The following PHC3 variants were observed in gnomAD, a reference collection of about 807,000 sequenced individuals.
PHC3 encodes the protein polyhomeotic-like protein 3.
A neutral mutation model predicts 107.4 loss-of-function variants in PHC3; 13 were observed. The observed-to-expected ratio is 0.12, with a 90% CI of 0.08 to 0.19. The LOEUF is 0.19. Ranked by LOEUF, PHC3 falls within the 10% of genes least tolerant of loss-of-function variation. The pLI, the probability that PHC3 is intolerant of heterozygous loss-of-function variation, is 1.00. For synonymous variants in PHC3, 456 were observed against 427.4 expected (o/e 1.07, Z -0.83); for missense variants, 992 against 1,210.9 (o/e 0.82, Z 2.68).
chr3:170,158,799 C>G (rs1021960908), intron 4 of PHC3, among the ~76,000 whole-genome samples: 1 of 150,796 alleles, frequency 6.6e-6, no homozygotes, highest in South Asian at 2.1e-4. Context: ...TGGTGGCACA[C>G]GACTATAATC....
At chr3:170,129,621 G>C in intron 7 of PHC3, 69 bp from the exon 8 acceptor site, 1 of 1,378,004 alleles carries the variant, frequency 7.3e-7, no homozygotes, top group Non-Finnish European at 1.0e-6. Context: ...CACTCTAAAG[G>C]AAAAAGTGTT....
chr3:170,163,205 A>T (rs1327175037), intron 4 of PHC3, among the ~76,000 whole-genome samples: 1 of 152,174 alleles, frequency 6.6e-6, no homozygotes, highest in African/African-American at 2.4e-5. Flanking sequence ...CAAAGTCATA[A>T]AACTGGGCTT....
intron 11 of PHC3, among the ~76,000 whole-genome samples, chr3:170,110,290 C>T (rs1174681017): frequency 1.3e-5 from 2 of 152,138 alleles, no homozygotes; most frequent in African/African-American, 4.8e-5. Flanking sequence ...TTCAAACTTG[C>T]TTGTCTAATA....
chr3:170,175,240 AAC>A, intron 2 of PHC3, among the ~76,000 whole-genome samples: 1 of 152,342 alleles, frequency 6.6e-6, no homozygotes, highest in East Asian at 1.9e-4. Flanking sequence ...TCTCATAAGA[AAC>A]AGAGTCAGTG....
Position 170,096,027 on chromosome 3 carries a change from C to T in PHC3, c.*1203G>A, listed in dbSNP as rs1363921403. 3 of 152,172 alleles carry T rather than the reference C, an allele frequency of 2.0e-5. No individual in the cohort carries two copies. Among genetic ancestry groups the T allele is most frequent in the Non-Finnish European group, 4.4e-5 (3 of 68,022 alleles). The allele number at this position is 152,172 out of a possible 1,614,324, so 9.4% of individuals were successfully genotyped here. ...CCACGTATCTGCTACAAACTATTTT[C>T]TTGCCAGAAAAGGCTGTGCACTAGT... is the stretch of plus-strand genomic sequence containing the variant. On this transcript the variant is annotated 3_prime_UTR_variant, in exon 15 of 15. Coordinates refer to ENST00000495893, the MANE Select transcript of PHC3 (RefSeq NM_024947.4).
In PHC3 at chr3:170,136,678, T is replaced by C. The variant is rs1052601399; in HGVS notation, c.673-13A>G. ...TTAAATTCTGAACCTAAGAACCACA[T>C]AACAGAAAATTAGGATGAAAACAGA... On this transcript the variant is annotated splice_polypyrimidine_tract_variant and intron_variant, in intron 6 of 14. Transcript: ENST00000495893. The C allele has an allele frequency of 3.7e-6, 6 of 1,610,816 alleles. No homozygotes were observed. Among genetic ancestry groups the C allele is most frequent in the Non-Finnish European group, 5.1e-6 (6 of 1,178,394 alleles).
Position 170,095,689 on chromosome 3 carries a change from TATAAG to T in PHC3, c.*1536_*1540del, listed in dbSNP as rs1714562460. ...TACTAAAATATCTCAATTGTGGTAATATAAGAAAAGATGAAAACAAAACATTCATC... is the reference window on the plus strand; with the variant it reads ...TACTAAAATATCTCAATTGTGGTAATAAAAGATGAAAACAAAACATTCATC... On this transcript the variant is annotated 3_prime_UTR_variant, in exon 15 of 15. Coordinates refer to ENST00000495893, the MANE Select transcript of PHC3 (RefSeq NM_024947.4). The T allele has an allele frequency of 6.6e-6, 1 of 152,190 alleles. No homozygotes were observed. Among genetic ancestry groups the T allele is most frequent in the South Asian group, 2.1e-4 (1 of 4,838 alleles). 9.4% of individuals were successfully genotyped at this position (152,190 alleles called of 1,614,324 possible). A position where few individuals can be genotyped will look rare whatever the true frequency, so the allele number is the denominator to read the frequency against.
chr3:170,147,027 C>T (rs570580995), intron 5 of PHC3, among the ~76,000 whole-genome samples: 7 of 151,714 alleles, frequency 4.6e-5, no homozygotes, highest in African/African-American at 9.7e-5. Context: ...GGATTACAAG[C>T]GTGAGTAATT....
intron 7 of PHC3, among the ~76,000 whole-genome samples, chr3:170,134,909 G>A (rs902590057): frequency 9.2e-5 from 14 of 152,148 alleles, no homozygotes; most frequent in African/African-American, 3.4e-4. Flanking sequence ...AGTTCAGAGG[G>A]AGGAGAAATT....
At chr3:170,179,094 G>A (rs1258546918) in intron 1 of PHC3, among the ~76,000 whole-genome samples, 156 bp from the exon 2 acceptor site, 2 of 152,042 alleles carry the variant, frequency 1.3e-5, no homozygotes, top group East Asian at 3.9e-4. Context: ...CACTTAGAAG[G>A]GAAAAATACT....
At chr3:170,120,463 C>T (rs1720042534) in intron 9 of PHC3, among the ~76,000 whole-genome samples, 1 of 151,916 alleles carries the variant, frequency 6.6e-6, no homozygotes. Context: ...ATCCCAGCTA[C>T]TCAGGATACT....
chr3:170,180,564 GTT>G (rs199582784), intron 1 of PHC3, among the ~76,000 whole-genome samples: 62 of 138,874 alleles, frequency 4.5e-4, no homozygotes, highest in African/African-American at 1.5e-3. Flanking sequence ...TTATGCTTCT[GTT>G]TTTTTTTTTT....
chr3:170,101,674 T>A (rs1715501304), intron 14 of PHC3, among the ~76,000 whole-genome samples: 1 of 152,188 alleles, frequency 6.6e-6, no homozygotes, highest in Admixed American at 6.5e-5. Context: ...TACATATATG[T>A]ATAGTCTTAA....
At position 170,094,545 on chromosome 3, in the gene PHC3, A is replaced by C. The variant is rs964868589; in HGVS notation, c.*2685T>G. 2.6e-5 allele frequency: 4 copies of C among 152,176 alleles called. No homozygotes were observed. The highest frequency in any genetic ancestry group is 4.4e-5 in the Non-Finnish European group (3 of 68,036). 9.4% of individuals were successfully genotyped at this position (152,176 alleles called of 1,614,324 possible). A position where few individuals can be genotyped will look rare whatever the true frequency, so the allele number is the denominator to read the frequency against. ...ACAATTTACTCTCCCCACCTATATC[A>C]TACTGAAACTCTGCTTTAAAGCTCA... is the stretch of plus-strand genomic sequence containing the variant. On this transcript the variant is annotated 3_prime_UTR_variant, in exon 15 of 15. Coordinates refer to ENST00000495893, the MANE Select transcript of PHC3 (RefSeq NM_024947.4).
chr3:170,117,507 A>T lies in PHC3; in HGVS notation c.1943-31T>A, dbSNP rs202186229. On this transcript the variant is annotated intron_variant, in intron 9 of 14. Coordinates refer to ENST00000495893, the MANE Select transcript of PHC3 (RefSeq NM_024947.4). ...AAAAAAACCAAAAAGTCATTTAAAA[A>T]TTTTTTTAGCATTTTGCCCAAGCAA... The T allele has an allele frequency of 1.9e-3, 3,024 of 1,580,108 alleles. 13 individuals are homozygous for T. The highest frequency in any genetic ancestry group is 2.0e-3 in the Non-Finnish European group (2,314 of 1,165,468).
chr3:170,108,132 T>C (rs1339522207), intron 11 of PHC3, among the ~76,000 whole-genome samples: 1 of 152,190 alleles, frequency 6.6e-6, no homozygotes, highest in Non-Finnish European at 1.5e-5. Flanking sequence ...TGCATCATCA[T>C]AATTCCTCTG....
intron 5 of PHC3, among the ~76,000 whole-genome samples, chr3:170,146,252 G>A (rs1317604637): frequency 6.6e-6 from 1 of 151,750 alleles, no homozygotes; most frequent in African/African-American, 2.4e-5. Context: ...GCTCATGCCT[G>A]TAATCCCAGC....
chr3:170,122,787 A>G (rs776508943), intron 8 of PHC3, 43 bp from the exon 9 acceptor site: 53 of 1,590,414 alleles, frequency 3.3e-5, no homozygotes, highest in Non-Finnish European at 4.3e-5. Context: ...TTCCAAAACT[A>G]TATTTTATCA....
intron 9 of PHC3, among the ~76,000 whole-genome samples, chr3:170,119,235 T>G (rs1719710665): frequency 6.6e-6 from 1 of 152,092 alleles, no homozygotes; most frequent in South Asian, 2.1e-4. Context: ...AATTCTGAAG[T>G]AGGACTGAAA....
Sources: allele counts gnomAD v4.1 joint callset (sites outside exome capture counted in the v4.1 genomes callset), GRCh38; gene constraint gnomAD v4.1.1; transcripts MANE v1.5; gene names NCBI Gene and HGNC (gene_info 2026-07-23, HGNC 2026-07-21).